Variants in CCDC74A observed in about 807,000 individuals in gnomAD.
CCDC74A encodes the protein coiled-coil domain containing 74A.
Under a neutral mutation model 37.6 loss-of-function variants are expected in CCDC74A, and 38 were observed. That is an observed-to-expected ratio of 1.01 (90% CI 0.78 to 1.33). The LOEUF is 1.33. CCDC74A is among the 40% of genes most tolerant of loss of function. The pLI is 0.00. For missense variants in CCDC74A, 340 were observed against 403.4 expected (o/e 0.84, Z 1.35); for synonymous variants, 134 against 165.2 (o/e 0.81, Z 1.45).
intron 2 of CCDC74A, chr2:131,529,930 G>A (rs1680935712): frequency 1.3e-6 from 2 of 1,501,336 alleles, no homozygotes; most frequent in Non-Finnish European, 1.8e-6. Context: ...CAGTGGGGAG[G>A]TGGGCACAGG....
chr2:131,526,915 C>T (rs566310413), upstream of CCDC74A, among the ~76,000 whole-genome samples: 151 of 152,052 alleles, frequency 9.9e-4, 1 homozygote, highest in Non-Finnish European at 1.6e-3. Flanking sequence ...ACAGGAGCCC[C>T]GCTGATGTGG....
chr2:131,533,050 A>G lies in CCDC74A; in HGVS notation c.790A>G (p.Lys264Glu). The G allele has an allele frequency of 1.2e-6, 2 of 1,613,876 alleles. No individual in the cohort carries two copies. The highest frequency in any genetic ancestry group is 8.5e-7 in the Non-Finnish European group (1 of 1,179,844). The change falls in exon 7 of 8, where the codon AAG becomes GAG. Residue 264 changes from lysine to glutamate, a missense_variant. Physicochemically the swap from Lys to Glu is moderately conservative, Grantham distance 56. Transcript: ENST00000409856. The stretch of plus-strand genomic sequence containing the variant: ...CACGCATTTCCCCAAGGTCTCCACC[A>G]AGAGCCTCTCCAAGAAATGGTAAGT... ...EATHFPKVST[K>E]SLSKKCLSPP... is the part of the protein sequence containing the mutation.
upstream of CCDC74A, among the ~76,000 whole-genome samples, chr2:131,525,953 C>T (rs1195796167): frequency 6.6e-5 from 10 of 150,594 alleles, no homozygotes; most frequent in African/African-American, 2.4e-4. Flanking sequence ...CTCCTGACCT[C>T]GTGATCCGCC....
upstream of CCDC74A, among the ~76,000 whole-genome samples, chr2:131,525,870 C>A (rs1404878276): frequency 6.6e-6 from 1 of 151,856 alleles, no homozygotes; most frequent in African/African-American, 2.4e-5. Context: ...AGGCGCCCAC[C>A]ACCATGCCCG....
At chr2:131,527,456 C>T (rs977619074), upstream of CCDC74A, among the ~76,000 whole-genome samples, 11 of 152,014 alleles carry the variant, frequency 7.2e-5, no homozygotes, top group African/African-American at 2.7e-4. Context: ...TTTTTAGAGA[C>T]GGGGTCTCAC....
chr2:131,529,719 T>C (rs1208017219), intron 2 of CCDC74A, 28 bp downstream of exon 2: 3 of 1,611,830 alleles, frequency 1.9e-6, no homozygotes, highest in South Asian at 1.1e-5. Flanking sequence ...CAGTGACTGA[T>C]GGGATGCTCT....
In CCDC74A at chr2:131,533,062, A is replaced by G. The variant is rs371761319; in HGVS notation, c.802A>G (p.Lys268Glu). 3 of 1,613,828 alleles carry G rather than the reference A, an allele frequency of 1.9e-6. No individual in the cohort carries two copies. Among genetic ancestry groups the G allele is most frequent in the Non-Finnish European group, 2.5e-6 (3 of 1,179,834 alleles). Residue 268 changes from lysine to glutamate, a missense_variant, in exon 7 of 8, where the codon AAG becomes GAG. By Grantham distance (56) the Lys-to-Glu change is moderately conservative. Around this residue, in one of 3 missense-constraint regions of CCDC74A, gnomAD observed 185 missense variants for 231.5 expected, o/e 0.80. Coordinates refer to ENST00000409856, the MANE Select transcript of CCDC74A (RefSeq NM_001258306.3). ...FPKVSTKSLSKKCLSPPVAER... is the reference protein window; with the variant it reads ...FPKVSTKSLSEKCLSPPVAER... ...CAAGGTCTCCACCAAGAGCCTCTCC[A>G]AGAAATGGTAAGTCCCACAGGCATG...
At chr2:131,532,824 C>A (rs556509409) in intron 5 of CCDC74A, 40 bp from the exon 6 acceptor site, 184 of 1,613,000 alleles carry the variant, frequency 1.1e-4, no homozygotes, top group Middle Eastern at 8.5e-4. Flanking sequence ...CAGTCTGGCA[C>A]CGCCACAGGC....
In CCDC74A at chr2:131,533,292, G is replaced by A. The variant is rs1129127; in HGVS notation, c.833G>A (p.Arg278His). 486 of 1,612,674 alleles carry A rather than the reference G, an allele frequency of 3.0e-4. 6 individuals carry two copies. In the South Asian group the frequency reaches 3.9e-3, roughly 13 times the overall value. Reference protein sequence around the residue: ...KKCLSPPVAERAILPALKQTP... With the variant: ...KKCLSPPVAEHAILPALKQTP... The stretch of plus-strand genomic sequence containing the variant: ...AGCCTGAGCCCACCTGTGGCGGAGC[G>A]TGCCATCCTGCCCGCACTGAAGCAG... Residue 278 changes from arginine to histidine, a missense_variant, in exon 8 of 8, where the codon CGT (arginine) becomes CAT (histidine). Around this residue, in one of 3 missense-constraint regions of CCDC74A, gnomAD observed 185 missense variants for 231.5 expected, o/e 0.80. Coordinates refer to ENST00000409856, the MANE Select transcript of CCDC74A (RefSeq NM_001258306.3).
intron 2 of CCDC74A, chr2:131,530,172 C>T (rs1680991969): frequency 3.9e-6 from 6 of 1,549,350 alleles, no homozygotes; most frequent in Non-Finnish European, 5.2e-6. Flanking sequence ...AGGGAGGAAG[C>T]AGAGTCCTGT....
intron 1 of CCDC74A, chr2:131,528,685 TC>T: frequency 2.3e-6 from 1 of 430,454 alleles, no homozygotes; most frequent in East Asian, 6.2e-5. Context: ...GTGGTGGGCG[TC>T]TGTAGTCCCA....
chr2:131,525,130 CAT>C (rs1324494413), upstream of CCDC74A, among the ~76,000 whole-genome samples: 1 of 152,104 alleles, frequency 6.6e-6, no homozygotes, highest in Non-Finnish European at 1.5e-5. Flanking sequence ...TTACTGAATA[CAT>C]GTTGCCATAA....
intron 1 of CCDC74A, chr2:131,528,646 TA>T: frequency 1.7e-6 from 1 of 597,910 alleles, no homozygotes; most frequent in Non-Finnish European, 3.0e-6. Flanking sequence ...TCGTCTCTAC[TA>T]AAAATACAAA....
upstream of CCDC74A, among the ~76,000 whole-genome samples, chr2:131,523,796 G>A (rs565026276): frequency 6.6e-6 from 1 of 152,100 alleles, no homozygotes; most frequent in East Asian, 1.9e-4. Flanking sequence ...GACCTTCCAG[G>A]GGCACCCCAC....
rs548558651 is a variant in CCDC74A, at chr2:131,529,475, G to T, written c.251-172G>T. 1.0e-4 allele frequency: 89 copies of T among 860,070 alleles called. 1 individual carries two copies. Among genetic ancestry groups the T allele is most frequent in the Admixed American group, 4.5e-4 (23 of 50,938 alleles). 53.3% of individuals were successfully genotyped at this position (860,070 alleles called of 1,614,324 possible). A position where few individuals can be genotyped will look rare whatever the true frequency, so the allele number is the denominator to read the frequency against. On this transcript the variant is annotated intron_variant, in intron 1 of 7. Transcript: ENST00000409856. ...GAACAGGCAGGGCCATTCCTGGCCT[G>T]ACACCCACGACGAAGGCGTGGTGGA...
At chr2:131,531,068 C>T (rs537113506) in intron 3 of CCDC74A, among the ~76,000 whole-genome samples, 382 of 151,650 alleles carry the variant, frequency 2.5e-3, no homozygotes, top group African/African-American at 4.1e-3. Context: ...CACCCCAGGG[C>T]GGGGCAGCAA....
intron 1 of CCDC74A, chr2:131,529,127 G>C (rs1461362078): frequency 4.8e-6 from 1 of 208,142 alleles, no homozygotes. Context: ...GCTCCAGCAA[G>C]GGCACCAGTG....
intron 3 of CCDC74A, 118 bp downstream of exon 3, chr2:131,530,945 G>A: frequency 2.0e-6 from 3 of 1,499,672 alleles, no homozygotes; most frequent in Non-Finnish European, 1.8e-6. Flanking sequence ...CCAGGATTTG[G>A]GGATGAAGGT....
At chr2:131,528,471 C>T (rs1680576457) in intron 1 of CCDC74A, 1 of 1,537,862 alleles carries the variant, frequency 6.5e-7, no homozygotes, top group Admixed American at 2.0e-5. Context: ...CTGACTCCGC[C>T]AATCCTCTCC....
Sources: allele counts gnomAD v4.1 joint callset (sites outside exome capture counted in the v4.1 genomes callset), GRCh38; gene constraint gnomAD v4.1.1; regional missense constraint gnomAD v4.1.1; transcripts MANE v1.5; gene names NCBI Gene and HGNC (gene_info 2026-07-23, HGNC 2026-07-21).